CD207: variants seen among roughly 807,000 people sequenced by gnomAD.
CD207 encodes the protein CD207 molecule, also known as C-type lectin domain family 4 member K.
Under a neutral mutation model 31.6 loss-of-function variants are expected in CD207, and 28 were observed. The observed-to-expected ratio is 0.89, with a 90% CI of 0.66 to 1.21. CD207 has a LOEUF of 1.21. CD207 is among the 50% of genes most tolerant of loss of function. The pLI is 0.00. For synonymous variants in CD207, 168 were observed against 153.9 expected (o/e 1.09, Z -0.68); for missense variants, 388 against 397.8 (o/e 0.98, Z 0.21).
At chr2:70,828,752 G>C (rs1677401971), downstream of CD207, among the ~76,000 whole-genome samples, 1 of 152,082 alleles carries the variant, frequency 6.6e-6, no homozygotes, top group Admixed American at 6.6e-5. Context: ...TGCAACCTCT[G>C]CCTCCCAGAT....
At chr2:70,831,237 G>A in intron 5 of CD207, 37 bp from the exon 6 acceptor site, 1 of 1,575,842 alleles carries the variant, frequency 6.3e-7, no homozygotes, top group Non-Finnish European at 8.6e-7. Context: ...TTTACAAAGT[G>A]GAAAATCAAA....
downstream of CD207, among the ~76,000 whole-genome samples, chr2:70,826,002 G>T (rs1677335386): frequency 7.4e-6 from 1 of 135,772 alleles, no homozygotes; most frequent in Non-Finnish European, 1.6e-5. Context: ...AAAAAAATTA[G>T]CTGGGCATGG....
chr2:70,826,418 C>G (rs891764870), downstream of CD207, among the ~76,000 whole-genome samples: 38 of 152,106 alleles, frequency 2.5e-4, no homozygotes, highest in Admixed American at 1.3e-4. Flanking sequence ...GCTCTGTAGC[C>G]CAGGCTAGAA....
chr2:70,827,129 G>A (rs72909874), downstream of CD207, among the ~76,000 whole-genome samples: 1,124 of 152,030 alleles, frequency 7.4e-3, 13 homozygotes, highest in African/African-American at 0.026. Context: ...CTCTTTCCTC[G>A]TCTGTGTCCC....
the CD207 span, among the ~76,000 whole-genome samples, chr2:70,824,836 A>C: frequency 6.6e-6 from 1 of 152,212 alleles, no homozygotes; most frequent in Non-Finnish European, 1.5e-5. Flanking sequence ...AAACAAATAG[A>C]TAAGTCTCTA....
chr2:70,825,145 G>C, the CD207 span, among the ~76,000 whole-genome samples: 141,648 of 152,236 alleles, frequency 0.93, 66,136 homozygotes, highest in Non-Finnish European at 0.97. Flanking sequence ...GTACCCCAAT[G>C]TAATCATGAG....
chr2:70,825,754 T>C (rs1677328051), downstream of CD207, among the ~76,000 whole-genome samples: 1 of 151,960 alleles, frequency 6.6e-6, no homozygotes, highest in African/African-American at 2.4e-5. Context: ...TTGCCCAGGC[T>C]GGCCTCAAAC....
chr2:70,833,576 C>T (rs1299898737), intron 3 of CD207, 70 bp downstream of exon 3: 1 of 1,470,426 alleles, frequency 6.8e-7, no homozygotes, highest in East Asian at 2.4e-5. Flanking sequence ...GCCCAATGGC[C>T]TCAGGTCTGG....
chr2:70,828,754 C>T (rs373179224), downstream of CD207, among the ~76,000 whole-genome samples: 1 of 152,194 alleles, frequency 6.6e-6, no homozygotes, highest in African/African-American at 2.4e-5. Flanking sequence ...CAACCTCTGC[C>T]TCCCAGATTC....
chr2:70,831,124 C>G lies in CD207; in HGVS notation c.913G>C (p.Ala305Pro). 6.2e-7 allele frequency: 1 copy of G among 1,613,826 alleles called. No individual in the cohort carries two copies. ...TTGTCACATGGGGCATCATTCCAGG[C>G]CTGAAGTGAGGGAGCCTTTATATTG... The part of the protein sequence containing the change: ...CGNIKAPSLQ[A>P]WNDAPCDKTF... The change falls in exon 6 of 6, where the codon GCC (alanine) becomes CCC (proline). Residue 305 changes from alanine to proline, a missense_variant. Transcript: ENST00000410009.
chr2:70,835,420 GT>G (rs1314027175), intron 2 of CD207, 70 bp downstream of exon 2: 1 of 1,031,506 alleles, frequency 9.7e-7, no homozygotes, highest in East Asian at 2.4e-5. Context: ...CAGGGAAGTG[GT>G]CTCGATCTGA....
chr2:70,832,894 A>G lies in CD207; in HGVS notation c.717+6T>C. Reference sequence around the variant, plus strand: ...CCTTCACAGAGCCCATAGGCACAGCACTCACCTGCTCACTCTCTGAGGTCA... The same window carrying G: ...CCTTCACAGAGCCCATAGGCACAGCGCTCACCTGCTCACTCTCTGAGGTCA... On this transcript the variant is annotated splice_donor_region_variant and intron_variant, in intron 4 of 5. Coordinates refer to ENST00000410009, the MANE Select transcript of CD207 (RefSeq NM_015717.5). The G allele has an allele frequency of 6.2e-7, 1 of 1,612,246 alleles. No homozygotes were observed. Among genetic ancestry groups the G allele is most frequent in the Non-Finnish European group, 8.5e-7 (1 of 1,178,848 alleles).
In CD207 at chr2:70,830,631, GA is replaced by G. The variant is rs1677441791; in HGVS notation, c.*418del. On this transcript the variant is annotated 3_prime_UTR_variant, in exon 6 of 6. Transcript: ENST00000410009. ...GCCAGCACAGCTAAGCAGAGACATG[GA>G]AATTCTAGGGGGTTTGGCCAAGAAA... 6.2e-6 allele frequency: 1 copy of G among 160,294 alleles called. No individual in the cohort carries two copies. The highest frequency in any genetic ancestry group is 2.4e-5 in the African/African-American group (1 of 41,634). 9.9% of individuals were successfully genotyped at this position (160,294 alleles called of 1,614,324 possible).
intron 4 of CD207, 108 bp downstream of exon 4, chr2:70,832,792 A>T: frequency 1.9e-6 from 2 of 1,071,168 alleles, no homozygotes; most frequent in Non-Finnish European, 2.7e-6. Context: ...CTTCTTCATT[A>T]GGTCATCAAT....
rs180679087 is a variant in CD207, at chr2:70,833,852, C to T, written c.359G>A (p.Arg120His). The change falls in exon 3 of 6, where the codon CGT (arginine) becomes CAT (histidine). Residue 120 changes from arginine (R) to histidine (H), a missense_variant. By Grantham distance (29) the Arg-to-His change is conservative (BLOSUM62 0). Transcript: ENST00000410009. Reference protein sequence around the residue: ...QMVNESLGYVRSQFLKLKTSV... With the variant: ...QMVNESLGYVHSQFLKLKTSV... ...GGTTTTTAACTTCAGGAACTGAGAACGCACATAACCCAGGCTCTCATTCAC... is the reference window on the plus strand; with the variant it reads ...GGTTTTTAACTTCAGGAACTGAGAATGCACATAACCCAGGCTCTCATTCAC... 988 of 1,613,976 alleles carry T rather than the reference C, an allele frequency of 6.1e-4. 11 individuals are homozygous for T. The South Asian group carries it at 8.9e-3, about 15-fold the overall frequency.
At position 70,832,296 on chromosome 2, in the gene CD207, G is replaced by A. The variant is rs182620689; in HGVS notation, c.718-477C>T. 3.0e-3 allele frequency among the ~76,000 whole-genome samples: 463 copies of A among 152,208 alleles called. 5 individuals are homozygous for A. The highest frequency in any genetic ancestry group is 3.1e-3 in the Non-Finnish European group (208 of 68,006). On this transcript the variant is annotated intron_variant, in intron 4 of 5. Coordinates refer to ENST00000410009, the MANE Select transcript of CD207 (RefSeq NM_015717.5). Reference sequence around the variant, plus strand: ...TTGGGTATTCCACCCAAGCTGCTAGGACTAGTTAGATGGCAAGGTTCAGGC... The same window carrying A: ...TTGGGTATTCCACCCAAGCTGCTAGAACTAGTTAGATGGCAAGGTTCAGGC...
chr2:70,825,246 G>A (rs933847803), downstream of CD207, among the ~76,000 whole-genome samples: 3 of 152,136 alleles, frequency 2.0e-5, no homozygotes, highest in Non-Finnish European at 4.4e-5. Context: ...CAAAAACAAG[G>A]AAAGACTGAG....
rs781801656 is a variant in CD207, at chr2:70,831,689, C to G, written c.836+12G>C. ...GAAAGTCAGGCTGGCACGGAGGGCTCCAGGGGCTTACCTCACACTTTGGAC... is the reference window on the plus strand; with the variant it reads ...GAAAGTCAGGCTGGCACGGAGGGCTGCAGGGGCTTACCTCACACTTTGGAC... On this transcript the variant is annotated intron_variant, in intron 5 of 5. Coordinates refer to ENST00000410009, the MANE Select transcript of CD207 (RefSeq NM_015717.5). 1.3e-6 allele frequency: 2 copies of G among 1,555,816 alleles called. No homozygotes were observed. The highest frequency in any genetic ancestry group is 2.7e-5 in the African/African-American group (2 of 73,646).
intron 2 of CD207, 100 bp downstream of exon 2, chr2:70,835,391 G>T: frequency 1.2e-6 from 1 of 806,462 alleles, no homozygotes. Context: ...AAAGCCACAG[G>T]CAGGAGAAAC....
Sources: gnomAD v4.1 joint callset for allele counts (sites outside exome capture counted in the v4.1 genomes callset) on GRCh38, gnomAD v4.1.1 for gene constraint, MANE v1.5 for transcripts, NCBI Gene and HGNC (gene_info 2026-07-23, HGNC 2026-07-21) for gene names.